The following DAAM2 variants were observed in gnomAD, a reference collection of about 807,000 sequenced individuals.
DAAM2 encodes the protein dishevelled associated activator of morphogenesis 2.
Under a neutral mutation model 120.7 loss-of-function variants are expected in DAAM2, and 39 were observed. The observed-to-expected ratio is 0.32, with a 90% CI of 0.25 to 0.42. The LOEUF (loss-of-function observed/expected upper bound fraction) is 0.42. Ranked by LOEUF, DAAM2 falls within the 10% of genes least tolerant of loss-of-function variation. The probability of loss-of-function intolerance (pLI) is 1.00; values close to 1 mark genes in which losing one functional copy is unlikely to be tolerated. For missense variants in DAAM2, 1,283 were observed against 1,401.7 expected (o/e 0.92, Z 1.35); for synonymous variants, 488 against 524.9 (o/e 0.93, Z 0.96).
At chr6:39,899,103 C>T in intron 22 of DAAM2, 166 bp downstream of exon 22, 1 of 626,720 alleles carries the variant, frequency 1.6e-6, no homozygotes. Context: ...TAAGTTTGAG[C>T]CTTTTAAAAG....
Position 39,875,480 on chromosome 6 carries a change from C to A in DAAM2, c.1301+12C>A, listed in dbSNP as rs756585139. On this transcript the variant is annotated intron_variant, in intron 11 of 24. Coordinates refer to ENST00000274867, the MANE Select transcript of DAAM2 (RefSeq NM_001201427.2). The stretch of plus-strand genomic sequence containing the variant: ...AACATCGTCAACATGTGAGCAGTGG[C>A]CAGCCTTTGCCCTGTCTTCCTCCAC... The A allele has an allele frequency of 2.4e-5, 39 of 1,610,388 alleles. No homozygotes were observed. The East Asian group carries it at 6.7e-4, about 28-fold the overall frequency.
rs1183716954 is a variant in DAAM2 at position 39,883,993 on chromosome 6, T to C, written c.1877T>C (p.Ile626Thr). 6 of 1,613,568 alleles carry C rather than the reference T, an allele frequency of 3.7e-6. No individual in the cohort carries two copies. Among genetic ancestry groups the C allele is most frequent in the Admixed American group, 1.7e-5 (1 of 60,014 alleles). The change falls in exon 15 of 25, where the codon ATT becomes ACT. Residue 626 changes from isoleucine (I) to threonine (T), a missense_variant. Ile to Thr is a moderately conservative substitution (Grantham distance 89, BLOSUM62 -1). Around this residue, in one of 3 missense-constraint regions of DAAM2, gnomAD observed 748 missense variants for 768.6 expected, o/e 0.97. Transcript: ENST00000274867. ...ERVPGTVWNE[I>T]DDMQVFRILD... ...GTCCCTGGCACCGTATGGAATGAGA[T>C]TGATGACATGCAGGTATTTCGGATC...
intron 1 of DAAM2, among the ~76,000 whole-genome samples, chr6:39,849,632 T>C (rs1763731790): frequency 6.6e-6 from 1 of 152,102 alleles, no homozygotes; most frequent in Non-Finnish European, 1.5e-5. Flanking sequence ...CAACTGAGTG[T>C]GTAGGGTAGA....
chr6:39,853,763 C>A (rs553836353), intron 1 of DAAM2, among the ~76,000 whole-genome samples: 1 of 152,330 alleles, frequency 6.6e-6, no homozygotes, highest in Admixed American at 6.5e-5. Context: ...CCCAGCCTCC[C>A]CGCTGCCTCT....
chr6:39,901,420 C>T lies in DAAM2; in HGVS notation c.2930C>T (p.Ala977Val). The T allele has an allele frequency of 6.2e-7, 1 of 1,613,324 alleles. No individual in the cohort carries two copies. The highest frequency in any genetic ancestry group is 8.5e-7 in the Non-Finnish European group (1 of 1,179,828). The change falls in exon 24 of 25, where the codon GCC (alanine) becomes GTC (valine). Residue 977 changes from alanine (A) to valine (V), a missense_variant. Coordinates refer to ENST00000274867, the MANE Select transcript of DAAM2 (RefSeq NM_001201427.2). This position sits in a 1 kb window ranked among gnomAD's most constrained non-coding sequence, Gnocchi z 4.5. Reference sequence around the variant, plus strand: ...TCAGAGGCCCGGCAGGATCTAGAGGCCATGAGGAGGAGGAAGGAGGAGGAG... The same window carrying T: ...TCAGAGGCCCGGCAGGATCTAGAGGTCATGAGGAGGAGGAAGGAGGAGGAG... ...AFSEARQDLEAMRRRKEEEER... is the reference protein window; with the variant it reads ...AFSEARQDLEVMRRRKEEEER...
At chr6:39,850,666 A>T (rs1361766412) in intron 1 of DAAM2, among the ~76,000 whole-genome samples, 1 of 152,196 alleles carries the variant, frequency 6.6e-6, no homozygotes, top group African/African-American at 2.4e-5. Flanking sequence ...TAATGTCATC[A>T]TCAGTAAGAA....
At chr6:39,868,980 C>A (rs768723847) in intron 7 of DAAM2, 47 bp downstream of exon 7, 49 of 1,367,630 alleles carry the variant, frequency 3.6e-5, no homozygotes, top group Non-Finnish European at 4.0e-5. Context: ...CTTTCTGGAC[C>A]TGGGGTAGAG....
rs113477154 is a variant in DAAM2, at chr6:39,898,965, G to A, written c.2679+28G>A. The stretch of plus-strand genomic sequence containing the variant: ...GAGTACCTTGTCAGTGCCTACCTGG[G>A]TGAGGGCTGCTGTCAGCAAACACTG... On this transcript the variant is annotated intron_variant, in intron 22 of 24. Coordinates refer to ENST00000274867, the MANE Select transcript of DAAM2 (RefSeq NM_001201427.2). The A allele has an allele frequency of 2.1e-5, 34 of 1,587,564 alleles. No individual in the cohort carries two copies. The African/African-American group carries it at 3.5e-4, about 16-fold the overall frequency.
At chr6:39,841,842 A>G (rs1035216161) in intron 1 of DAAM2, among the ~76,000 whole-genome samples, 7 of 152,154 alleles carry the variant, frequency 4.6e-5, no homozygotes, top group Non-Finnish European at 2.9e-5. Context: ...GAAGTCCTGG[A>G]GCCAGAGTCT....
intron 1 of DAAM2, among the ~76,000 whole-genome samples, chr6:39,855,567 C>G (rs922824591): frequency 1.3e-5 from 2 of 152,206 alleles, no homozygotes; most frequent in African/African-American, 4.8e-5. Flanking sequence ...CCCTGGGTAA[C>G]TCTCTGAGGA....
At position 39,901,985 on chromosome 6, in the gene DAAM2, G is replaced by A. The variant is rs372144223; in HGVS notation, c.3155G>A (p.Ser1052Asn). Residue 1052 changes from serine (S) to asparagine (N), a missense_variant, in exon 25 of 25, where the codon AGC becomes AAC. Physicochemically the swap from Ser to Asn is conservative, Grantham distance 46. This residue lies in a region of DAAM2 where 748 missense variants were observed against 768.6 expected (regional missense o/e 0.97). Transcript: ENST00000274867. The surrounding 1 kb of genome is among the most constrained non-coding windows in gnomAD (Gnocchi z 4.5). Reference protein sequence around the residue: ...KLKRSRKRSGSQALEVTRERA... With the variant: ...KLKRSRKRSGNQALEVTRERA... ...AAGCGCAGCCGCAAGCGATCAGGGA[G>A]CCAGGCCCTGGAAGTTACCCGGGAG... The A allele has an allele frequency of 6.2e-7, 1 of 1,612,220 alleles. No homozygotes were observed. The highest frequency in any genetic ancestry group is 8.5e-7 in the Non-Finnish European group (1 of 1,178,532).
At position 39,895,791 on chromosome 6, in the gene DAAM2, C is replaced by T. The variant is rs79824147; in HGVS notation, c.2342-1021C>T. ...TGAGGAAGGGCCAGAGCATACACAG[C>T]AGAATGAATTATTGAAGTTTTGGTT... is the stretch of plus-strand genomic sequence containing the variant. On this transcript the variant is annotated intron_variant, in intron 19 of 24. Coordinates refer to ENST00000274867, the MANE Select transcript of DAAM2 (RefSeq NM_001201427.2). 2.0e-5 allele frequency among the ~76,000 whole-genome samples: 3 copies of T among 152,274 alleles called. No individual in the cohort carries two copies. In the East Asian group the frequency reaches 5.8e-4, roughly 29 times the overall value.
At chr6:39,825,685 A>T (rs1412474616) in intron 1 of DAAM2, among the ~76,000 whole-genome samples, 3 of 152,032 alleles carry the variant, frequency 2.0e-5, no homozygotes, top group Admixed American at 6.5e-5. Context: ...GAGTCAAGGG[A>T]GCATAGGTGG....
At chr6:39,825,444 T>TCG (rs1562006551) in intron 1 of DAAM2, among the ~76,000 whole-genome samples, 396 of 33,200 alleles carry the variant, frequency 0.012, 12 homozygotes, top group African/African-American at 0.037. Context: ...GGTCGGGGGG[T>TCG]TGGTGGGGGG....
chr6:39,798,926 T>C (rs942257139), intron 1 of DAAM2, among the ~76,000 whole-genome samples: 3 of 152,218 alleles, frequency 2.0e-5, no homozygotes, highest in African/African-American at 7.2e-5. Context: ...TCATGCTTTC[T>C]ACATGTTTAC....
intron 3 of DAAM2, chr6:39,862,355 T>TA (rs1292512559): frequency 6.6e-6 from 1 of 152,138 alleles, no homozygotes; most frequent in Non-Finnish European, 1.5e-5. Context: ...GAAAAGCAGG[T>TA]CTTTAAAAAG....
chr6:39,804,439 C>T (rs1282857624), intron 1 of DAAM2, among the ~76,000 whole-genome samples: 1 of 152,068 alleles, frequency 6.6e-6, no homozygotes, highest in African/African-American at 2.4e-5. Context: ...CATTCATAGT[C>T]CATAAACAAG....
At chr6:39,891,533 G>A in intron 18 of DAAM2, 86 bp downstream of exon 18, 2 of 1,508,322 alleles carry the variant, frequency 1.3e-6, no homozygotes, top group Admixed American at 1.9e-5. Flanking sequence ...GAAGGGGATG[G>A]AGGTGGGCAG....
At chr6:39,796,502 G>A (rs1761703140) in intron 1 of DAAM2, among the ~76,000 whole-genome samples, 1 of 151,820 alleles carries the variant, frequency 6.6e-6, no homozygotes, top group African/African-American at 2.4e-5. Context: ...GATGCTGTGG[G>A]GGGAGGAAGT....
Sources: gnomAD v4.1 joint callset for allele counts (sites outside exome capture counted in the v4.1 genomes callset) on GRCh38, gnomAD v4.1.1 for gene constraint, gnomAD v4.1.1 regional missense constraint, Gnocchi (gnomAD v3.1) non-coding constraint, MANE v1.5 for transcripts, NCBI Gene and HGNC (gene_info 2026-07-23, HGNC 2026-07-21) for gene names.